SLC3A1: variants seen among roughly 807,000 people sequenced by gnomAD.
The protein encoded by SLC3A1 is amino acid transporter heavy chain SLC3A1.
SLC3A1 carries 78 observed loss-of-function variants against 60.3 expected under a neutral mutation model. The ratio of observed to expected loss-of-function variants is 1.29; its 90% CI spans 1.08 to 1.56. The LOEUF (loss-of-function observed/expected upper bound fraction) is 1.56, where lower values mean the gene tolerates loss of function less well. Ranked by LOEUF, SLC3A1 falls within the 40% of genes most tolerant of loss-of-function variation. The pLI is 0.00. For missense variants in SLC3A1, 1,172 were observed against 858.9 expected, an observed-to-expected ratio of 1.36 and a Z score of -4.56; for synonymous variants, 392 against 307.9, an observed-to-expected ratio of 1.27 and a Z score of -2.86.
chr2:44,310,022 T>C (rs1672254341), intron 7 of SLC3A1, among the ~76,000 whole-genome samples: 1 of 152,190 alleles, frequency 6.6e-6, no homozygotes, highest in Non-Finnish European at 1.5e-5. Flanking sequence ...TCCCACAAAG[T>C]AGCTGGGACT....
At chr2:44,296,184 G>T (rs1365762927) in intron 4 of SLC3A1, among the ~76,000 whole-genome samples, 1 of 152,120 alleles carries the variant, frequency 6.6e-6, no homozygotes, top group Non-Finnish European at 1.5e-5. Flanking sequence ...CTTCCTGTTT[G>T]CCAGCTGCAA....
In SLC3A1 at chr2:44,312,653, T is replaced by A. The variant is rs121912691; in HGVS notation, c.1400T>A (p.Met467Lys). ...LGNQYVNVMN[M>K]LLFTLPGTPI... is the part of the protein sequence containing the mutation. Reference sequence around the variant, plus strand: ...AATCAGTATGTCAACGTGATGAACATGCTTCTTTTCACACTCCCTGGAACT... The same window carrying A: ...AATCAGTATGTCAACGTGATGAACAAGCTTCTTTTCACACTCCCTGGAACT... Residue 467 changes from methionine to lysine, a missense_variant, in exon 8 of 10, where the codon ATG becomes AAG. Coordinates refer to ENST00000260649, the MANE Select transcript of SLC3A1 (RefSeq NM_000341.4). The A allele has an allele frequency of 2.8e-5, 45 of 1,613,932 alleles. 1 individual carries two copies. The South Asian group carries it at 3.6e-4, about 13-fold the overall frequency.
At chr2:44,296,336 T>A (rs1671843923) in intron 4 of SLC3A1, among the ~76,000 whole-genome samples, 1 of 152,238 alleles carries the variant, frequency 6.6e-6, no homozygotes, top group Admixed American at 6.5e-5. Flanking sequence ...TAGGACTGTG[T>A]CTGTTGTATT....
intron 9 of SLC3A1, chr2:44,314,340 A>G: frequency 2.2e-6 from 1 of 449,890 alleles, no homozygotes; most frequent in Non-Finnish European, 4.0e-6. Flanking sequence ...GAGATCAATC[A>G]ATCAACCCAG....
intron 7 of SLC3A1, among the ~76,000 whole-genome samples, chr2:44,311,097 ATTC>A (rs377689525): frequency 0.011 from 1,692 of 152,206 alleles, 25 homozygotes; most frequent in African/African-American, 0.039. Context: ...GCCTGGCCTC[ATTC>A]TTCTTTTTCT....
At chr2:44,281,671 A>G (rs1250556617) in intron 3 of SLC3A1, 130 bp downstream of exon 3, 1 of 812,068 alleles carries the variant, frequency 1.2e-6, no homozygotes, top group Non-Finnish European at 2.1e-6. Flanking sequence ...AGTTTCTGAA[A>G]GAAATAGAAA....
chr2:44,285,846 T>C, intron 3 of SLC3A1, 186 bp from the exon 4 acceptor site: 5 of 739,962 alleles, frequency 6.8e-6, no homozygotes, highest in Non-Finnish European at 2.5e-6. Flanking sequence ...CAACCATGTT[T>C]GTGAGGCATT....
Position 44,312,737 on chromosome 2 carries a change from A to G in SLC3A1, c.1484A>G (p.Asn495Ser). The change falls in exon 8 of 10, where the codon AAT (asparagine) becomes AGT (serine). Residue 495 changes from asparagine to serine, a missense_variant. Asn to Ser is a conservative substitution (Grantham distance 46, BLOSUM62 1). Coordinates refer to ENST00000260649, the MANE Select transcript of SLC3A1 (RefSeq NM_000341.4). ...GGAAATATTGTAGCCGCAAATCTCA[A>G]TGAAAGCTATGATATTGTAAGTTGA... is the stretch of plus-strand genomic sequence containing the variant. ...GMGNIVAANL[N>S]ESYDINTLRS... The G allele has an allele frequency of 3.1e-6, 5 of 1,613,066 alleles. No homozygotes were observed. The highest frequency in any genetic ancestry group is 4.2e-6 in the Non-Finnish European group (5 of 1,179,154).
At chr2:44,307,865 C>T (rs1315916663) in intron 7 of SLC3A1, among the ~76,000 whole-genome samples, 1 of 152,052 alleles carries the variant, frequency 6.6e-6, no homozygotes, top group African/African-American at 2.4e-5. Context: ...GTTGTTGTTA[C>T]TTGTACTTTT....
At chr2:44,300,207 G>C in intron 5 of SLC3A1, 117 bp downstream of exon 5, 1 of 1,018,504 alleles carries the variant, frequency 9.8e-7, no homozygotes, top group Non-Finnish European at 1.5e-6. Flanking sequence ...TGTCTAGCAA[G>C]TACCCTGATT....
chr2:44,311,052 C>A (rs1395948878), intron 7 of SLC3A1, among the ~76,000 whole-genome samples: 1 of 152,110 alleles, frequency 6.6e-6, no homozygotes, highest in Non-Finnish European at 1.5e-5. Flanking sequence ...GCCTTGGCAT[C>A]CCAAAGCACT....
intron 7 of SLC3A1, among the ~76,000 whole-genome samples, 156 bp downstream of exon 7, chr2:44,304,494 G>T (rs142431533): frequency 7.9e-5 from 12 of 152,152 alleles, no homozygotes; most frequent in African/African-American, 2.4e-4. Context: ...CCTCTGCCAG[G>T]TTCTTTTCAT....
rs190628621 is a variant in SLC3A1 at position 44,297,807 on chromosome 2, C to T, written c.892-2164C>T. On this transcript the variant is annotated intron_variant, in intron 4 of 9. Transcript: ENST00000260649. ...AGAGACAGGGTTTTGTCATGTTGCC[C>T]GGCTGGTCTAGAACTCCTGGGCTCA... Among the ~76,000 whole-genome samples the T allele has an allele frequency of 3.9e-5, 6 of 152,210 alleles. No individual in the cohort carries two copies. In the East Asian group the frequency reaches 5.8e-4, roughly 15 times the overall value.
chr2:44,314,179 A>T lies in SLC3A1; in HGVS notation c.1617+228A>T. 4 of 1,102,694 alleles carry T rather than the reference A, an allele frequency of 3.6e-6. No individual in the cohort carries two copies. The South Asian group carries it at 4.9e-5, about 14-fold the overall frequency. The allele number at this position is 1,102,694 out of a possible 1,614,324, so 68.3% of individuals were successfully genotyped here. A position where few individuals can be genotyped will look rare whatever the true frequency, so the allele number is the denominator to read the frequency against. On this transcript the variant is annotated intron_variant, in intron 9 of 9. Transcript: ENST00000260649. Reference sequence around the variant, plus strand: ...AAGTGAAGTATCATATAGAATATACAAGTCTTCATTGCAATGACCTTTACT... The same window carrying T: ...AAGTGAAGTATCATATAGAATATACTAGTCTTCATTGCAATGACCTTTACT...
chr2:44,306,418 C>T (rs1356437072), intron 7 of SLC3A1, among the ~76,000 whole-genome samples: 1 of 152,126 alleles, frequency 6.6e-6, no homozygotes, highest in Non-Finnish European at 1.5e-5. Flanking sequence ...CAGAGCCTTT[C>T]TCCGTCTGGT....
intron 3 of SLC3A1, chr2:44,285,509 C>A: frequency 2.7e-6 from 1 of 368,168 alleles, no homozygotes; most frequent in South Asian, 2.2e-5. Context: ...ACATCGTCAA[C>A]TATTGCTGAG....
chr2:44,300,087 C>A lies in SLC3A1; in HGVS notation c.1008C>A (p.Ile336=), dbSNP rs565666124. 1 of 1,613,832 alleles carries A rather than the reference C, an allele frequency of 6.2e-7. No individual in the cohort carries two copies. The highest frequency in any genetic ancestry group is 1.3e-5 in the African/African-American group (1 of 75,004). Reference sequence around the variant, plus strand: ...AGATCCAAGTAAATAAGACCCAAATCCCGGTAAAGTTTTATTTTAAACGTT... The same window carrying A: ...AGATCCAAGTAAATAAGACCCAAATACCGGTAAAGTTTTATTTTAAACGTT... The part of the protein sequence containing the change: ...RDEIQVNKTQ[I]PDTVTQYSEL... The change falls in exon 5 of 10, where the codon ATC becomes ATA. Residue 336 remains isoleucine (I), a synonymous_variant. Transcript: ENST00000260649.
chr2:44,295,206 A>C (rs1319970744), intron 4 of SLC3A1, among the ~76,000 whole-genome samples: 1 of 152,200 alleles, frequency 6.6e-6, no homozygotes, highest in East Asian at 1.9e-4. Context: ...CTTAATGTTG[A>C]CTTGCTTTCT....
intron 1 of SLC3A1, among the ~76,000 whole-genome samples, chr2:44,277,589 C>T (rs1300742010): frequency 6.6e-6 from 1 of 152,140 alleles, no homozygotes; most frequent in Non-Finnish European, 1.5e-5. Flanking sequence ...TCCTTTAATC[C>T]TGCCTTGAGT....
Sources: gnomAD v4.1 joint callset for allele counts (sites outside exome capture counted in the v4.1 genomes callset) on GRCh38, gnomAD v4.1.1 for gene constraint, MANE v1.5 for transcripts, NCBI Gene and HGNC (gene_info 2026-07-23, HGNC 2026-07-21) for gene names.